Variants in TRPM7 observed in about 807,000 individuals in gnomAD.
TRPM7 encodes transient receptor potential cation channel subfamily M member 7, also known as LTRPC ion channel family member 7.
TRPM7 carries 134 observed loss-of-function variants against 229.7 expected under a neutral mutation model. The observed-to-expected ratio is 0.58, with a 90% CI of 0.51 to 0.67. The LOEUF (loss-of-function observed/expected upper bound fraction) is 0.67, where lower values mean the gene tolerates loss of function less well. Among genes scored for constraint, TRPM7 ranks in the 30% least tolerant of loss-of-function variants. The pLI is 0.00. For missense variants in TRPM7, 1,901 were observed against 2,210.0 expected (o/e 0.86, Z 2.80); for synonymous variants, 699 against 715.2 (o/e 0.98, Z 0.36).
intron 27 of TRPM7, among the ~76,000 whole-genome samples, chr15:50,588,800 G>C (rs957465121): frequency 1.3e-5 from 2 of 152,166 alleles, no homozygotes; most frequent in African/African-American, 4.8e-5. Flanking sequence ...AACCAACTTT[G>C]CAGGCAAGAA....
intron 13 of TRPM7, among the ~76,000 whole-genome samples, chr15:50,616,129 T>C (rs1567016269): frequency 6.6e-6 from 1 of 152,156 alleles, no homozygotes; most frequent in Non-Finnish European, 1.5e-5. Context: ...TGAACCCACT[T>C]GAAGAAGAAA....
intron 36 of TRPM7, among the ~76,000 whole-genome samples, chr15:50,571,513 G>A (rs773902131): frequency 2.8e-4 from 42 of 151,420 alleles, no homozygotes; most frequent in Admixed American, 1.3e-3. Flanking sequence ...AGACTATCAC[G>A]CAGCTTACTA....
At chr15:50,645,932 A>G (rs1052522006) in intron 4 of TRPM7, among the ~76,000 whole-genome samples, 5 of 151,962 alleles carry the variant, frequency 3.3e-5, no homozygotes, top group African/African-American at 1.2e-4. Flanking sequence ...AGGCGGAGGC[A>G]GGTGGATCAC....
At chr15:50,617,131 A>AAAATAAATAAAT (rs201318883) in intron 13 of TRPM7, among the ~76,000 whole-genome samples, 31 of 137,354 alleles carry the variant, frequency 2.3e-4, no homozygotes, top group South Asian at 7.1e-4. Context: ...CTCTACCAAA[A>AAAATAAATAAAT]AAATAAATAA....
In TRPM7 at chr15:50,586,387, C is replaced by G; in HGVS notation, c.4486+5G>C. On this transcript the variant is annotated splice_donor_5th_base_variant and intron_variant, in intron 28 of 38. Coordinates refer to ENST00000646667, the MANE Select transcript of TRPM7 (RefSeq NM_017672.6). ...TGACACTATTCATATGGTCAAAATA[C>G]TCACCTTGTTTTGAATGAACAGGAA... 6.4e-7 allele frequency: 1 copy of G among 1,574,068 alleles called. No homozygotes were observed.
chr15:50,573,952 G>A (rs565361564), intron 36 of TRPM7, among the ~76,000 whole-genome samples: 1 of 151,970 alleles, frequency 6.6e-6, no homozygotes, highest in South Asian at 2.1e-4. Flanking sequence ...AACTACTCGG[G>A]AGGCTGAGGC....
At chr15:50,664,606 T>C (rs545335939) in intron 1 of TRPM7, among the ~76,000 whole-genome samples, 1 of 152,266 alleles carries the variant, frequency 6.6e-6, no homozygotes, top group South Asian at 2.1e-4. Context: ...TTAGTAGCAT[T>C]AGACAAATCT....
intron 28 of TRPM7, among the ~76,000 whole-genome samples, chr15:50,584,596 C>T (rs2054595330): frequency 6.7e-6 from 1 of 149,362 alleles, no homozygotes; most frequent in Non-Finnish European, 1.5e-5. Flanking sequence ...TGCTTGGGAT[C>T]AGAAGTGTTT....
rs1292548022 is a variant in TRPM7, at chr15:50,587,364, T to A, written c.4390-876A>T. On this transcript the variant is annotated intron_variant, in intron 27 of 38. Transcript: ENST00000646667. ...TTAATATTTTTCTATTATTTATGTG[T>A]TTGGAAAGCCCTGAAGGCTTTACTG... Among the ~76,000 whole-genome samples the A allele has an allele frequency of 2.0e-5, 3 of 151,672 alleles. No individual in the cohort carries two copies. In the South Asian group the frequency reaches 6.2e-4, roughly 32 times the overall value.
intron 13 of TRPM7, among the ~76,000 whole-genome samples, chr15:50,615,163 CAAAAAAAAAA>C (rs71124383): frequency 5.3e-5 from 5 of 94,580 alleles, no homozygotes; most frequent in South Asian, 3.4e-4. Flanking sequence ...GACTTTGTCT[CAAAAAAAAAA>C]AAAAAAAAAA....
At chr15:50,570,318 A>G (rs2053814943) in intron 36 of TRPM7, among the ~76,000 whole-genome samples, 163 bp from the exon 37 acceptor site, 1 of 152,202 alleles carries the variant, frequency 6.6e-6, no homozygotes, top group Non-Finnish European at 1.5e-5. Flanking sequence ...TTGATATTTC[A>G]TAACTTGATT....
intron 3 of TRPM7, among the ~76,000 whole-genome samples, chr15:50,651,052 T>A (rs1448045095): frequency 1.3e-5 from 2 of 152,130 alleles, no homozygotes; most frequent in South Asian, 4.2e-4. Flanking sequence ...TCGGGCGTGG[T>A]GATGCACGCC....
chr15:50,570,720 G>A lies in TRPM7; in HGVS notation c.5309-565C>T, dbSNP rs564628045. On this transcript the variant is annotated intron_variant, in intron 36 of 38. Coordinates refer to ENST00000646667, the MANE Select transcript of TRPM7 (RefSeq NM_017672.6). ...AAAAAAAAGTTAGCCGGACATGGTG[G>A]GGGGCGCCTGTAGTCCCAGCTACTT... is the stretch of plus-strand genomic sequence containing the variant. Among the ~76,000 whole-genome samples the A allele has an allele frequency of 4.6e-4, 69 of 151,454 alleles. 2 individuals carry two copies. The South Asian group carries it at 0.013, about 29-fold the overall frequency.
chr15:50,675,553 G>A (rs752317519), intron 1 of TRPM7, among the ~76,000 whole-genome samples: 9 of 152,096 alleles, frequency 5.9e-5, no homozygotes, highest in Non-Finnish European at 1.2e-4. Context: ...CCAGCTGAAA[G>A]TTGTAAATAT....
At chr15:50,636,148 A>G (rs1045287313) in intron 7 of TRPM7, among the ~76,000 whole-genome samples, 26 of 149,110 alleles carry the variant, frequency 1.7e-4, no homozygotes, top group African/African-American at 6.1e-4. Context: ...GAGAAAATGG[A>G]AAAAAAAAAG....
At position 50,592,306 on chromosome 15, in the gene TRPM7, T is replaced by C. The variant is rs1382312883; in HGVS notation, c.3929A>G (p.Asn1310Ser). 3 of 1,613,914 alleles carry C rather than the reference T, an allele frequency of 1.9e-6. No homozygotes were observed. Among genetic ancestry groups the C allele is most frequent in the Non-Finnish European group, 2.5e-6 (3 of 1,179,932 alleles). The change falls in exon 26 of 39, where the codon AAT becomes AGT. Residue 1310 changes from asparagine (N) to serine (S), a missense_variant. Physicochemically the swap from Asn to Ser is conservative, Grantham distance 46. Transcript: ENST00000646667. ...TAAAATATTACAATGAAAAGGATTA[T>C]TACTTTCAAGATCACCTTGAGGAAG... ...SSLPQGDLESNNPFHCNILMK... is the reference protein window; with the variant it reads ...SSLPQGDLESSNPFHCNILMK...
chr15:50,658,438 T>G (rs2140900431), intron 2 of TRPM7, among the ~76,000 whole-genome samples: 1 of 151,910 alleles, frequency 6.6e-6, no homozygotes, highest in African/African-American at 2.4e-5. Flanking sequence ...GGGGTAGTGG[T>G]GCAGGCCTAT....
At chr15:50,614,835 G>A (rs1217440541) in intron 13 of TRPM7, among the ~76,000 whole-genome samples, 1 of 152,070 alleles carries the variant, frequency 6.6e-6, no homozygotes, top group African/African-American at 2.4e-5. Context: ...AAAGCAGGAA[G>A]ATAACAATTT....
chr15:50,656,735 C>A (rs1317626269), intron 3 of TRPM7, among the ~76,000 whole-genome samples: 1 of 152,080 alleles, frequency 6.6e-6, no homozygotes, highest in Non-Finnish European at 1.5e-5. Flanking sequence ...TAGCCTACCA[C>A]CCAGAGACCT....
Sources: gnomAD v4.1 joint callset for allele counts (sites outside exome capture counted in the v4.1 genomes callset) on GRCh38, gnomAD v4.1.1 for gene constraint, MANE v1.5 for transcripts, NCBI Gene and HGNC (gene_info 2026-07-23, HGNC 2026-07-21) for gene names.